Variants in PHTF2 observed in about 807,000 individuals in gnomAD.
PHTF2 encodes the protein putative homeodomain transcription factor 2, also known as protein PHTF2.
A neutral mutation model predicts 101.2 loss-of-function variants in PHTF2; 60 were observed. The observed-to-expected ratio is 0.59, with a 90% CI of 0.48 to 0.73. The LOEUF is 0.73. Among genes scored for constraint, PHTF2 ranks in the 30% least tolerant of loss-of-function variants. The probability of loss-of-function intolerance (pLI) is 0.00; values close to 1 mark genes in which losing one functional copy is unlikely to be tolerated. For missense variants in PHTF2, 747 were observed against 908.7 expected, an observed-to-expected ratio of 0.82 and a Z score of 2.29; for synonymous variants, 311 against 307.3, an observed-to-expected ratio of 1.01 and a Z score of -0.13.
At chr7:77,919,676 A>G (rs1317488729) in intron 9 of PHTF2, among the ~76,000 whole-genome samples, 1 of 152,160 alleles carries the variant, frequency 6.6e-6, no homozygotes, top group East Asian at 1.9e-4. Flanking sequence ...TATAAGCTGC[A>G]TGATTGCTAA....
intron 3 of PHTF2, among the ~76,000 whole-genome samples, chr7:77,872,107 C>G (rs1046836939): frequency 1.3e-5 from 2 of 152,224 alleles, no homozygotes; most frequent in Non-Finnish European, 2.9e-5. Context: ...ATTGGGCACT[C>G]AGCAATGGCT....
chr7:77,919,908 A>G (rs1014395207), intron 9 of PHTF2, among the ~76,000 whole-genome samples: 2 of 152,208 alleles, frequency 1.3e-5, no homozygotes. Context: ...TTGCAACTTA[A>G]CCTGACAATT....
At chr7:77,954,711 T>A in intron 19 of PHTF2, 147 bp from the exon 19 acceptor site, 1 of 396,350 alleles carries the variant, frequency 2.5e-6, no homozygotes, top group South Asian at 4.0e-5. Flanking sequence ...TTAAGGTGAG[T>A]TCTTCTTAAA....
At chr7:77,827,694 G>A (rs1016304016) in intron 1 of PHTF2, among the ~76,000 whole-genome samples, 1 of 151,428 alleles carries the variant, frequency 6.6e-6, no homozygotes, top group African/African-American at 2.4e-5. Context: ...CCAAGCCAGA[G>A]TGCACTGGTG....
At chr7:77,821,328 T>A (rs116968565) in intron 1 of PHTF2, among the ~76,000 whole-genome samples, 66 of 152,378 alleles carry the variant, frequency 4.3e-4, no homozygotes, top group Non-Finnish European at 8.4e-4. Flanking sequence ...CTATTTGGGT[T>A]GCGTCTATTT....
chr7:77,864,827 T>C (rs1402726270), intron 3 of PHTF2, among the ~76,000 whole-genome samples: 1 of 152,130 alleles, frequency 6.6e-6, no homozygotes, highest in Admixed American at 6.5e-5. Flanking sequence ...CAGAGTAATA[T>C]TGTAGTTACC....
At chr7:77,873,155 C>T (rs1410080546) in intron 3 of PHTF2, among the ~76,000 whole-genome samples, 2 of 152,142 alleles carry the variant, frequency 1.3e-5, no homozygotes, top group Admixed American at 6.5e-5. Flanking sequence ...TCTCGATCTC[C>T]TGACCTCGTG....
At chr7:77,824,499 C>T (rs1354053886) in intron 1 of PHTF2, among the ~76,000 whole-genome samples, 1 of 152,022 alleles carries the variant, frequency 6.6e-6, no homozygotes, top group Non-Finnish European at 1.5e-5. Flanking sequence ...AATCTCGGCT[C>T]ACTGCAACCT....
At chr7:77,909,462 G>T in intron 8 of PHTF2, 1 of 152,272 alleles carries the variant, frequency 6.6e-6, no homozygotes, top group Non-Finnish European at 1.5e-5. Flanking sequence ...CTGGGCTCAA[G>T]TGATCCTCTC....
At chr7:77,809,456 A>G (rs1793260148) in intron 1 of PHTF2, among the ~76,000 whole-genome samples, 1 of 151,866 alleles carries the variant, frequency 6.6e-6, no homozygotes, top group South Asian at 2.1e-4. Context: ...CGAATTCCTG[A>G]GTTTAGGTGA....
intron 3 of PHTF2, among the ~76,000 whole-genome samples, chr7:77,878,865 G>T (rs929942284): frequency 3.3e-5 from 5 of 152,186 alleles, no homozygotes; most frequent in Admixed American, 6.5e-5. Flanking sequence ...ATTAAAAAGG[G>T]TGGCTTGGCA....
chr7:77,905,704 C>T (rs2150848541), intron 7 of PHTF2, among the ~76,000 whole-genome samples: 1 of 152,274 alleles, frequency 6.6e-6, no homozygotes, highest in East Asian at 1.9e-4. Flanking sequence ...CGCCTTGTTG[C>T]CCAGGCTGGT....
At chr7:77,911,831 A>G (rs891341241) in intron 9 of PHTF2, among the ~76,000 whole-genome samples, 3 of 152,188 alleles carry the variant, frequency 2.0e-5, no homozygotes, top group African/African-American at 7.2e-5. Flanking sequence ...AATTCTGTCT[A>G]TATCTCTCTC....
At chr7:77,903,835 A>G (rs1345303597) in intron 7 of PHTF2, among the ~76,000 whole-genome samples, 1 of 152,256 alleles carries the variant, frequency 6.6e-6, no homozygotes, top group East Asian at 1.9e-4. Context: ...AGGGTGCTGC[A>G]GTGCTCTGAG....
intron 16 of PHTF2, among the ~76,000 whole-genome samples, chr7:77,947,029 A>G (rs1298402106): frequency 6.6e-6 from 1 of 151,730 alleles, no homozygotes; most frequent in Non-Finnish European, 1.5e-5. Context: ...CTGAGGTGAG[A>G]AGATCACCCG....
chr7:77,876,746 A>G (rs1798973153), intron 3 of PHTF2, among the ~76,000 whole-genome samples: 1 of 152,116 alleles, frequency 6.6e-6, no homozygotes, highest in Non-Finnish European at 1.5e-5. Context: ...AATAAAATAA[A>G]ATAAAATAAA....
intron 1 of PHTF2, among the ~76,000 whole-genome samples, chr7:77,830,539 G>A (rs1795003026): frequency 6.6e-6 from 1 of 152,158 alleles, no homozygotes; most frequent in South Asian, 2.1e-4. Context: ...ATAAGAGTGC[G>A]AACCCTATTC....
chr7:77,857,618 T>A (rs1247320908), intron 3 of PHTF2, among the ~76,000 whole-genome samples: 1 of 152,228 alleles, frequency 6.6e-6, no homozygotes, highest in Non-Finnish European at 1.5e-5. Context: ...AAAATATGGC[T>A]CAGATCAAAA....
intron 3 of PHTF2, among the ~76,000 whole-genome samples, chr7:77,892,851 A>G (rs898192994): frequency 2.6e-5 from 4 of 152,242 alleles, no homozygotes; most frequent in African/African-American, 7.2e-5. Flanking sequence ...TGTGTCTTCA[A>G]TCATTTCACA....
Sources: gnomAD v4.1 joint callset for allele counts (sites outside exome capture counted in the v4.1 genomes callset) on GRCh38, gnomAD v4.1.1 for gene constraint, MANE v1.5 for transcripts, NCBI Gene and HGNC (gene_info 2026-07-23, HGNC 2026-07-21) for gene names.